The following BBS9 variants were observed in gnomAD, a reference collection of about 807,000 sequenced individuals.
BBS9 encodes Bardet-Biedl syndrome 9, also known as protein PTHB1.
Under a neutral mutation model 117.7 loss-of-function variants are expected in BBS9, and 89 were observed. The observed-to-expected ratio is 0.76, with a 90% CI of 0.64 to 0.90. BBS9 has a LOEUF of 0.90. Among genes scored for constraint, BBS9 ranks in the 40% least tolerant of loss-of-function variants. The probability of loss-of-function intolerance (pLI) is 0.00; values close to 1 mark genes in which losing one functional copy is unlikely to be tolerated. For missense variants in BBS9, 982 were observed against 1,042.2 expected, an observed-to-expected ratio of 0.94 and a Z score of 0.80; for synonymous variants, 379 against 370.9, an observed-to-expected ratio of 1.02 and a Z score of -0.25.
chr7:33,193,478 A>T (rs1292675852), intron 5 of BBS9, among the ~76,000 whole-genome samples: 8 of 96,432 alleles, frequency 8.3e-5, no homozygotes, highest in Admixed American at 1.3e-4. Context: ...CAGCCTCTTT[A>T]CCTTGCTTGA....
intron 21 of BBS9, among the ~76,000 whole-genome samples, chr7:33,625,833 A>G (rs1865612272): frequency 6.6e-6 from 1 of 152,234 alleles, no homozygotes; most frequent in Non-Finnish European, 1.5e-5. Flanking sequence ...AACTTATCTT[A>G]GCAATTAGAA....
At chr7:33,374,708 C>G (rs1823502394) in intron 17 of BBS9, among the ~76,000 whole-genome samples, 1 of 151,934 alleles carries the variant, frequency 6.6e-6, no homozygotes, top group South Asian at 2.1e-4. Context: ...TAGAGACCAG[C>G]CTGACCAACA....
At chr7:33,156,965 C>T (rs1022014816) in intron 4 of BBS9, among the ~76,000 whole-genome samples, 3 of 152,058 alleles carry the variant, frequency 2.0e-5, no homozygotes, top group Non-Finnish European at 4.4e-5. Flanking sequence ...AGTTGTTCTT[C>T]TGTTTTTGAC....
At chr7:33,560,057 G>C (rs562738909) in intron 21 of BBS9, among the ~76,000 whole-genome samples, 1 of 152,044 alleles carries the variant, frequency 6.6e-6, no homozygotes, top group African/African-American at 2.4e-5. Context: ...CCCAGATACC[G>C]TATCTGGGAT....
intron 2 of BBS9, among the ~76,000 whole-genome samples, chr7:33,147,922 T>C (rs958225756): frequency 6.7e-6 from 1 of 148,282 alleles, no homozygotes; most frequent in Non-Finnish European, 1.5e-5. Context: ...ACACTCATCA[T>C]TGTGTTCCAA....
intron 20 of BBS9, among the ~76,000 whole-genome samples, chr7:33,524,836 A>T (rs1157396555): frequency 1.3e-5 from 2 of 151,798 alleles, no homozygotes; most frequent in Admixed American, 1.3e-4. Flanking sequence ...TTTAATTGTG[A>T]TGTTAGGGTG....
intron 21 of BBS9, among the ~76,000 whole-genome samples, chr7:33,632,887 G>A (rs1865961144): frequency 1.3e-5 from 2 of 152,182 alleles, no homozygotes; most frequent in Admixed American, 6.5e-5. Flanking sequence ...ATGAGGGGAT[G>A]GCTGGAGGCT....
At chr7:33,316,208 A>C (rs1037180586) in intron 9 of BBS9, among the ~76,000 whole-genome samples, 2 of 152,206 alleles carry the variant, frequency 1.3e-5, no homozygotes, top group African/African-American at 4.8e-5. Flanking sequence ...AAGTGGGATC[A>C]TACAGTAGGT....
chr7:33,598,782 A>AT (rs1266356878), intron 21 of BBS9, among the ~76,000 whole-genome samples: 3 of 152,220 alleles, frequency 2.0e-5, no homozygotes, highest in Non-Finnish European at 4.4e-5. Context: ...TGGTAGTAGT[A>AT]TTGTAAGATA....
At chr7:33,516,181 A>G (rs1000864750) in intron 20 of BBS9, among the ~76,000 whole-genome samples, 3 of 152,114 alleles carry the variant, frequency 2.0e-5, no homozygotes, top group Non-Finnish European at 4.4e-5. Context: ...GATGTGGGGG[A>G]GAAATGTCCT....
Position 33,593,403 on chromosome 7 carries a change from T to TTTTTG in BBS9, c.2522-11446_2522-11442dup, listed in dbSNP as rs1314738185. On this transcript the variant is annotated intron_variant, in intron 21 of 22. Coordinates refer to ENST00000242067, the MANE Select transcript of BBS9 (RefSeq NM_198428.3). Reference sequence around the variant, plus strand: ...TTAACAAAATAGTGAGTAGAGGTTTTTTTTGTTTTGTTTTGTTTTGGTTTT... The same window carrying TTTTTG: ...TTAACAAAATAGTGAGTAGAGGTTTTTTTTGTTTTGTTTTGTTTTGTTTTGGTTTT... Among the ~76,000 whole-genome samples the TTTTTG allele has an allele frequency of 1.1e-4, 16 of 152,254 alleles. No homozygotes were observed. In the South Asian group the frequency reaches 2.1e-3, roughly 20 times the overall value.
intron 9 of BBS9, among the ~76,000 whole-genome samples, chr7:33,282,804 A>G (rs1562933986): frequency 6.6e-6 from 1 of 152,188 alleles, no homozygotes; most frequent in Non-Finnish European, 1.5e-5. Context: ...GACTTCTCTA[A>G]ACAAGAATAG....
intron 21 of BBS9, among the ~76,000 whole-genome samples, chr7:33,547,531 A>T (rs552518654): frequency 7.9e-4 from 121 of 152,204 alleles, no homozygotes; most frequent in African/African-American, 1.6e-3. Context: ...TACATGAAAA[A>T]TTTTTTTTAA....
chr7:33,130,631 A>G (rs1444391166), intron 1 of BBS9, among the ~76,000 whole-genome samples: 2 of 152,200 alleles, frequency 1.3e-5, no homozygotes, highest in Non-Finnish European at 2.9e-5. Context: ...AGGATAAGCT[A>G]TGGGTCTTAA....
intron 18 of BBS9, among the ~76,000 whole-genome samples, chr7:33,385,037 TAAG>T (rs2128750916): frequency 6.6e-6 from 1 of 152,306 alleles, no homozygotes; most frequent in East Asian, 1.9e-4. Context: ...GGATATATTT[TAAG>T]AAATTCTTGC....
In BBS9 at chr7:33,603,830, C is replaced by T. The variant is rs142672105; in HGVS notation, c.2522-1035C>T. 2.3e-3 allele frequency among the ~76,000 whole-genome samples: 347 copies of T among 152,256 alleles called. 2 individuals are homozygous for T. The highest frequency in any genetic ancestry group is 7.5e-3 in the African/African-American group (311 of 41,552). On this transcript the variant is annotated intron_variant, in intron 21 of 22. Coordinates refer to ENST00000242067, the MANE Select transcript of BBS9 (RefSeq NM_198428.3). Reference sequence around the variant, plus strand: ...GTGTTTCTCTCATTTCCCTCAGCATCGATTTCTGTTTCAGAGTTGATGCAG... The same window carrying T: ...GTGTTTCTCTCATTTCCCTCAGCATTGATTTCTGTTTCAGAGTTGATGCAG...
chr7:33,589,742 A>G (rs1303552878), intron 21 of BBS9, among the ~76,000 whole-genome samples: 1 of 151,990 alleles, frequency 6.6e-6, no homozygotes, highest in Admixed American at 6.6e-5. Context: ...GCTGTTAGAG[A>G]TCTAAGTGGA....
At chr7:33,291,429 CTTATG>C (rs1376287756) in intron 9 of BBS9, among the ~76,000 whole-genome samples, 1 of 152,114 alleles carries the variant, frequency 6.6e-6, no homozygotes, top group Non-Finnish European at 1.5e-5. Context: ...TGTTACCTTC[CTTATG>C]TTATTTCTCC....
chr7:33,606,745 C>G (rs1864591798), downstream of BBS9, among the ~76,000 whole-genome samples: 1 of 152,094 alleles, frequency 6.6e-6, no homozygotes, highest in Non-Finnish European at 1.5e-5. Flanking sequence ...TCAATTATCT[C>G]CTTATCCCTA....
Sources: gnomAD v4.1 joint callset for allele counts (sites outside exome capture counted in the v4.1 genomes callset) on GRCh38, gnomAD v4.1.1 for gene constraint, MANE v1.5 for transcripts, NCBI Gene and HGNC (gene_info 2026-07-23, HGNC 2026-07-21) for gene names.